The following CHSY3 variants were observed in gnomAD, a reference collection of about 807,000 sequenced individuals.
The protein encoded by CHSY3 is N-acetylgalactosaminyl-proteoglycan 3-beta-glucuronosyltransferase 3.
Under a neutral mutation model 67.2 loss-of-function variants are expected in CHSY3, and 35 were observed. The ratio of observed to expected loss-of-function variants is 0.52; its 90% CI spans 0.40 to 0.69. The LOEUF is 0.69. Ranked by LOEUF, CHSY3 falls within the 30% of genes least tolerant of loss-of-function variation. CHSY3 has a pLI of 0.00. For synonymous variants in CHSY3, 474 were observed against 434.7 expected (o/e 1.09, Z -1.12); for missense variants, 1,069 against 1,138.5 (o/e 0.94, Z 0.88).
intron 2 of CHSY3, among the ~76,000 whole-genome samples, chr5:130,107,677 C>G (rs1767453182): frequency 6.6e-6 from 1 of 151,482 alleles, no homozygotes; most frequent in Non-Finnish European, 1.5e-5. Context: ...ATTGACAGGC[C>G]CTGGCAGGCA....
chr5:130,047,071 GT>G, intron 2 of CHSY3, among the ~76,000 whole-genome samples: 1 of 143,268 alleles, frequency 7.0e-6, no homozygotes, highest in African/African-American at 2.4e-5. Flanking sequence ...CTCCTATGCT[GT>G]TTCAGTGGGT....
intron 2 of CHSY3, among the ~76,000 whole-genome samples, chr5:130,036,559 G>T (rs2149662930): frequency 6.6e-6 from 1 of 152,180 alleles, no homozygotes. Flanking sequence ...TGGAAAAGTG[G>T]AAAAACAATA....
intron 2 of CHSY3, among the ~76,000 whole-genome samples, chr5:129,986,365 A>G (rs1437894864): frequency 1.3e-5 from 2 of 152,204 alleles, no homozygotes; most frequent in East Asian, 1.9e-4. Context: ...CTTGCATTCC[A>G]GGAATAAAGC....
In CHSY3 at chr5:129,945,117, T is replaced by C. The variant is rs1016522438; in HGVS notation, c.1086+36757T>C. ...CCTGTTTGTTGGGCCATTTGTGCTTTAGTAAAAACAGATGTGTTTAAACAC... is the reference window on the plus strand; with the variant it reads ...CCTGTTTGTTGGGCCATTTGTGCTTCAGTAAAAACAGATGTGTTTAAACAC... On this transcript the variant is annotated intron_variant, in intron 2 of 2. Coordinates refer to ENST00000305031, the MANE Select transcript of CHSY3 (RefSeq NM_175856.5). 3.9e-5 allele frequency among the ~76,000 whole-genome samples: 6 copies of C among 152,378 alleles called. No individual in the cohort carries two copies. The South Asian group carries it at 6.2e-4, about 16-fold the overall frequency.
intron 2 of CHSY3, chr5:129,975,115 T>C (rs1266759177): frequency 1.3e-5 from 2 of 151,980 alleles, no homozygotes; most frequent in South Asian, 2.1e-4. Flanking sequence ...TTAGGAGATA[T>C]ACCTAATGCT....
intron 2 of CHSY3, among the ~76,000 whole-genome samples, chr5:129,949,435 A>G (rs981136096): frequency 6.6e-5 from 10 of 152,312 alleles, no homozygotes; most frequent in African/African-American, 2.4e-4. Context: ...ATAAGGAGTA[A>G]GGAGACAGAA....
In CHSY3 at chr5:129,908,144, C is replaced by T. The variant is rs778864560; in HGVS notation, c.870C>T (p.Gly290=). 6.2e-7 allele frequency: 1 copy of T among 1,614,122 alleles called. No homozygotes were observed. The highest frequency in any genetic ancestry group is 8.5e-7 in the Non-Finnish European group (1 of 1,180,024). ...SSKPLYLGQT[G]LGNIEELGKL... is the part of the protein sequence containing the mutation. ...AGCCTCTCTACCTGGGACAGACTGG[C>T]CTGGGGAATATTGAAGAGCTTGGAA... Residue 290 remains glycine (G), a synonymous_variant, in exon 2 of 3, where the codon GGC becomes GGT. Transcript: ENST00000305031.
At chr5:129,908,494 A>G in intron 2 of CHSY3, 134 bp downstream of exon 2, 3 of 1,340,038 alleles carry the variant, frequency 2.2e-6, no homozygotes, top group Admixed American at 2.7e-5. Context: ...CCCTTAAGGG[A>G]TACAAGAGTG....
At chr5:129,968,145 T>C (rs543048621) in intron 2 of CHSY3, among the ~76,000 whole-genome samples, 13 of 151,980 alleles carry the variant, frequency 8.6e-5, no homozygotes, top group African/African-American at 3.1e-4. Flanking sequence ...TTGTTAAATA[T>C]ATACTGTTGG....
intron 2 of CHSY3, among the ~76,000 whole-genome samples, chr5:130,101,528 T>C (rs898979037): frequency 6.6e-6 from 1 of 152,150 alleles, no homozygotes; most frequent in African/African-American, 2.4e-5. Context: ...TATGTAGACA[T>C]TGTGGAACGG....
chr5:130,020,444 TA>T (rs60568246), intron 2 of CHSY3, among the ~76,000 whole-genome samples: 4,223 of 38,138 alleles, frequency 0.11, 301 homozygotes, highest in Middle Eastern at 0.18. Context: ...TATATATATA[TA>T]TATATATATA....
At chr5:129,943,425 C>T (rs1052651759) in intron 2 of CHSY3, among the ~76,000 whole-genome samples, 6 of 152,234 alleles carry the variant, frequency 3.9e-5, no homozygotes, top group East Asian at 3.9e-4. Context: ...CTAAAATTTT[C>T]GTCAGTTCAA....
chr5:129,966,635 T>C (rs1052877689), intron 2 of CHSY3, among the ~76,000 whole-genome samples: 1 of 151,708 alleles, frequency 6.6e-6, no homozygotes, highest in Admixed American at 6.6e-5. Context: ...CAAATCACAG[T>C]TTGGAGTTTA....
chr5:130,129,862 C>A (rs1055122143), intron 2 of CHSY3, among the ~76,000 whole-genome samples: 1 of 152,038 alleles, frequency 6.6e-6, no homozygotes, highest in African/African-American at 2.4e-5. Flanking sequence ...CATGAAAGTT[C>A]TCTAAAAGCC....
intron 2 of CHSY3, among the ~76,000 whole-genome samples, chr5:130,037,015 C>G (rs987113021): frequency 6.6e-6 from 1 of 152,094 alleles, no homozygotes; most frequent in African/African-American, 2.4e-5. Context: ...CCTCCAAGAA[C>G]ATATGGTATC....
intron 2 of CHSY3, among the ~76,000 whole-genome samples, chr5:130,099,353 A>G (rs1196387062): frequency 6.6e-6 from 1 of 152,224 alleles, no homozygotes; most frequent in Non-Finnish European, 1.5e-5. Flanking sequence ...AGCAATATAG[A>G]GAGGCAAGTA....
At chr5:130,038,759 T>C (rs1181565697) in intron 2 of CHSY3, among the ~76,000 whole-genome samples, 1 of 152,138 alleles carries the variant, frequency 6.6e-6, no homozygotes, top group Non-Finnish European at 1.5e-5. Context: ...GAATGGTTTA[T>C]CTGCACTGCA....
chr5:129,998,548 A>G (rs1263636736), intron 2 of CHSY3, among the ~76,000 whole-genome samples: 1 of 152,172 alleles, frequency 6.6e-6, no homozygotes, highest in Non-Finnish European at 1.5e-5. Context: ...GTGAAAATAC[A>G]TCTTGCCAAA....
At chr5:130,142,597 A>G (rs1286742228) in intron 2 of CHSY3, among the ~76,000 whole-genome samples, 1 of 152,252 alleles carries the variant, frequency 6.6e-6, no homozygotes, top group Admixed American at 6.5e-5. Context: ...AATTAATTAC[A>G]TAATATCAAA....
Sources: gnomAD v4.1 joint callset for allele counts (sites outside exome capture counted in the v4.1 genomes callset) on GRCh38, gnomAD v4.1.1 for gene constraint, MANE v1.5 for transcripts, NCBI Gene and HGNC (gene_info 2026-07-23, HGNC 2026-07-21) for gene names.